CPNE4: variants seen among roughly 807,000 people sequenced by gnomAD.
CPNE4 encodes copine 4, also known as copine-4.
A neutral mutation model predicts 67.9 loss-of-function variants in CPNE4; 25 were observed. The observed-to-expected ratio is 0.37, with a 90% CI of 0.27 to 0.51. The LOEUF is 0.51. CPNE4 is among the 20% of genes least tolerant of loss of function. CPNE4 has a pLI of 0.93. For synonymous variants in CPNE4, 242 were observed against 244.9 expected (o/e 0.99, Z 0.11); for missense variants, 464 against 690.8 (o/e 0.67, Z 3.68).
At chr3:131,587,757 T>A (rs1033605964) in intron 7 of CPNE4, among the ~76,000 whole-genome samples, 175 bp from the exon 8 acceptor site, 1 of 152,226 alleles carries the variant, frequency 6.6e-6, no homozygotes, top group African/African-American at 2.4e-5. Flanking sequence ...AGCCCTTTAC[T>A]TGGACTTTTT....
At chr3:131,832,177 A>T (rs1313571688) in intron 2 of CPNE4, among the ~76,000 whole-genome samples, 2 of 152,234 alleles carry the variant, frequency 1.3e-5, no homozygotes, top group Admixed American at 6.5e-5. Flanking sequence ...GAAGTCTTAT[A>T]TAGCAAGTAT....
At chr3:131,983,295 A>C (rs2107639530) in intron 1 of CPNE4, among the ~76,000 whole-genome samples, 1 of 152,286 alleles carries the variant, frequency 6.6e-6, no homozygotes, top group East Asian at 1.9e-4. Flanking sequence ...TTTACACTAC[A>C]ATTTTAAATA....
In CPNE4 at chr3:131,790,910, T is replaced by C. The variant is rs376597314; in HGVS notation, c.181-67285A>G. On this transcript the variant is annotated intron_variant, in intron 2 of 15. Coordinates refer to ENST00000429747, the MANE Select transcript of CPNE4 (RefSeq NM_130808.3). The stretch of plus-strand genomic sequence containing the variant: ...CCTAATACAATACAATTTTATGCTT[T>C]AACATGTTTTATTGTGCAGTCTTTA... Among the ~76,000 whole-genome samples the C allele has an allele frequency of 1.2e-4, 19 of 152,306 alleles. No homozygotes were observed. In the South Asian group the frequency reaches 1.9e-3, roughly 15 times the overall value.
At chr3:131,853,135 A>G (rs2086301501) in intron 2 of CPNE4, among the ~76,000 whole-genome samples, 1 of 151,856 alleles carries the variant, frequency 6.6e-6, no homozygotes, top group South Asian at 2.1e-4. Flanking sequence ...TTGAAAAATA[A>G]GAATATTGGA....
Position 131,935,767 on chromosome 3 carries a change from G to A in CPNE4, c.-1-30323C>T, listed in dbSNP as rs570194568. 5.3e-5 allele frequency among the ~76,000 whole-genome samples: 8 copies of A among 152,048 alleles called. No homozygotes were observed. In the East Asian group the frequency reaches 5.8e-4, roughly 11 times the overall value. Reference sequence around the variant, plus strand: ...GGATATCTTAGGAGTTCAACCAAACGTCAATCTAGCAAGCTGGAAGACAAA... The same window carrying A: ...GGATATCTTAGGAGTTCAACCAAACATCAATCTAGCAAGCTGGAAGACAAA... On this transcript the variant is annotated intron_variant, in intron 1 of 15. Transcript: ENST00000429747.
chr3:131,584,467 CT>C (rs1314134300), intron 8 of CPNE4, among the ~76,000 whole-genome samples: 2 of 152,124 alleles, frequency 1.3e-5, no homozygotes, highest in African/African-American at 4.8e-5. Context: ...TTCAACAAAC[CT>C]TGTAGCTCAT....
At chr3:131,574,611 G>C (rs144517351) in intron 10 of CPNE4, among the ~76,000 whole-genome samples, 4 of 152,188 alleles carry the variant, frequency 2.6e-5, no homozygotes, top group African/African-American at 4.8e-5. Flanking sequence ...TGAACTGTTT[G>C]TATGGCTTAC....
chr3:131,723,408 G>C, intron 3 of CPNE4, 38 bp downstream of exon 3: 2 of 1,588,066 alleles, frequency 1.3e-6, no homozygotes, highest in Non-Finnish European at 1.7e-6. Context: ...AAAGGCCCTA[G>C]GATGGCAAGG....
rs184670038 is a variant in CPNE4 at position 131,873,034 on chromosome 3, C to T, written c.180+32230G>A. ...CTAAGGTTTGAGGTAAAGTTTTGCA[C>T]GGTAATAGAAAATAAATAGTGATAC... On this transcript the variant is annotated intron_variant, in intron 2 of 15. Coordinates refer to ENST00000429747, the MANE Select transcript of CPNE4 (RefSeq NM_130808.3). Among the ~76,000 whole-genome samples the T allele has an allele frequency of 3.6e-3, 541 of 152,200 alleles. 5 individuals carry two copies. The highest frequency in any genetic ancestry group is 0.012 in the African/African-American group (503 of 41,516).
chr3:131,925,092 T>C (rs1437769865), intron 1 of CPNE4, among the ~76,000 whole-genome samples: 1 of 152,168 alleles, frequency 6.6e-6, no homozygotes, highest in Non-Finnish European at 1.5e-5. Flanking sequence ...GATTCCTTCC[T>C]CTCGTCATTT....
chr3:131,680,608 A>ATTATACT (rs1273280570), intron 6 of CPNE4, among the ~76,000 whole-genome samples: 1 of 152,128 alleles, frequency 6.6e-6, no homozygotes, highest in East Asian at 1.9e-4. Context: ...AAAGTATTTC[A>ATTATACT]TTATACTTTC....
chr3:131,850,097 A>G (rs2086176990), intron 2 of CPNE4, among the ~76,000 whole-genome samples: 1 of 152,170 alleles, frequency 6.6e-6, no homozygotes, highest in South Asian at 2.1e-4. Flanking sequence ...TTTGGCTGCA[A>G]CAATTGACAC....
chr3:131,967,221 TC>T (rs2072374993), intron 1 of CPNE4, among the ~76,000 whole-genome samples: 1 of 152,022 alleles, frequency 6.6e-6, no homozygotes, highest in African/African-American at 2.4e-5. Flanking sequence ...ATGGAACATA[TC>T]TAAAAATAAT....
chr3:131,693,363 T>A (rs1264943980), intron 5 of CPNE4, among the ~76,000 whole-genome samples: 1 of 152,210 alleles, frequency 6.6e-6, no homozygotes, highest in Non-Finnish European at 1.5e-5. Context: ...TTGGTTACAT[T>A]GTTTAAAAAT....
intron 6 of CPNE4, among the ~76,000 whole-genome samples, chr3:131,675,734 G>A (rs1032719106): frequency 2.0e-5 from 3 of 148,200 alleles, no homozygotes; most frequent in African/African-American, 7.3e-5. Context: ...AATATCACTG[G>A]ATCTTGTTTT....
intron 2 of CPNE4, among the ~76,000 whole-genome samples, chr3:131,732,321 A>C (rs1353461036): frequency 6.6e-6 from 1 of 152,206 alleles, no homozygotes; most frequent in Non-Finnish European, 1.5e-5. Context: ...ATTAACTGGC[A>C]CACTCCCTAT....
intron 7 of CPNE4, among the ~76,000 whole-genome samples, chr3:131,668,273 A>G (rs1337097368): frequency 6.6e-6 from 1 of 152,230 alleles, no homozygotes; most frequent in Non-Finnish European, 1.5e-5. Context: ...GATCATATCA[A>G]TGAATCAAAA....
intron 2 of CPNE4, among the ~76,000 whole-genome samples, chr3:131,807,136 G>A (rs142940272): frequency 9.2e-4 from 140 of 152,278 alleles, no homozygotes; most frequent in African/African-American, 3.3e-3. Flanking sequence ...GGGTGGTGAT[G>A]AAGGGAAGGG....
chr3:131,961,002 A>G (rs2072152970), intron 1 of CPNE4, among the ~76,000 whole-genome samples: 1 of 152,166 alleles, frequency 6.6e-6, no homozygotes, highest in African/African-American at 2.4e-5. Flanking sequence ...TAACAATGGT[A>G]CAAACTCAGA....
Sources: gnomAD v4.1 joint callset for allele counts (sites outside exome capture counted in the v4.1 genomes callset) on GRCh38, gnomAD v4.1.1 for gene constraint, MANE v1.5 for transcripts, NCBI Gene and HGNC (gene_info 2026-07-23, HGNC 2026-07-21) for gene names.